Variants in FARS2 observed in about 807,000 individuals in gnomAD.
FARS2 encodes phenylalanyl-tRNA synthetase 2, mitochondrial, also known as phenylalanine--tRNA ligase, mitochondrial.
FARS2 carries 40 observed loss-of-function variants against 46.4 expected under a neutral mutation model. The ratio of observed to expected loss-of-function variants is 0.86; its 90% CI spans 0.67 to 1.12. The LOEUF is 1.12. FARS2 is among the 50% of genes most tolerant of loss of function. FARS2 has a pLI of 0.00. For synonymous variants in FARS2, 234 were observed against 214.9 expected (o/e 1.09, Z -0.78); for missense variants, 513 against 567.9 (o/e 0.90, Z 0.98).
At chr6:5,523,535 C>A (rs934072595) in intron 4 of FARS2, among the ~76,000 whole-genome samples, 3 of 151,972 alleles carry the variant, frequency 2.0e-5, no homozygotes, top group African/African-American at 7.3e-5. Flanking sequence ...TGGTTGGGTC[C>A]CCGCTCAGGG....
chr6:5,374,687 A>T (rs1373163392), intron 2 of FARS2, among the ~76,000 whole-genome samples: 1 of 152,092 alleles, frequency 6.6e-6, no homozygotes, highest in Non-Finnish European at 1.5e-5. Context: ...TTTTTAATGA[A>T]CAGATATAGA....
At chr6:5,423,558 C>T (rs981420058) in intron 3 of FARS2, among the ~76,000 whole-genome samples, 4 of 152,040 alleles carry the variant, frequency 2.6e-5, no homozygotes, top group African/African-American at 9.7e-5. Context: ...AAATCGCCTG[C>T]CTTTTATTTT....
chr6:5,371,875 T>G (rs899641674), intron 2 of FARS2, among the ~76,000 whole-genome samples: 4 of 152,190 alleles, frequency 2.6e-5, no homozygotes, highest in African/African-American at 9.6e-5. Flanking sequence ...TTAAATGGGT[T>G]AAACTTACTA....
chr6:5,363,389 G>A (rs965853653), intron 1 of FARS2, among the ~76,000 whole-genome samples: 3 of 151,816 alleles, frequency 2.0e-5, no homozygotes, highest in African/African-American at 4.8e-5. Context: ...GTTCTTTACT[G>A]CCCCTTCCAA....
chr6:5,422,584 A>C (rs920922701), intron 3 of FARS2, among the ~76,000 whole-genome samples: 1 of 152,126 alleles, frequency 6.6e-6, no homozygotes, highest in Non-Finnish European at 1.5e-5. Flanking sequence ...CTGTAAACTG[A>C]GATTAGATAC....
At chr6:5,469,905 T>TA (rs1305156323) in intron 4 of FARS2, among the ~76,000 whole-genome samples, 3 of 152,224 alleles carry the variant, frequency 2.0e-5, no homozygotes, top group Non-Finnish European at 4.4e-5. Context: ...TGTGTGCCCT[T>TA]ACACAAGATA....
intron 1 of FARS2, among the ~76,000 whole-genome samples, chr6:5,352,070 G>A (rs116412352): frequency 2.4e-4 from 36 of 151,924 alleles, no homozygotes; most frequent in African/African-American, 8.4e-4. Context: ...GGCCCAGGAT[G>A]GCTTTCAATG....
intron 6 of FARS2, among the ~76,000 whole-genome samples, chr6:5,690,731 T>C (rs1426283121): frequency 6.6e-6 from 1 of 152,186 alleles, no homozygotes; most frequent in Non-Finnish European, 1.5e-5. Context: ...TTTCCTGAAT[T>C]TGAATGTTGG....
intron 6 of FARS2, among the ~76,000 whole-genome samples, chr6:5,680,923 G>T (rs115365274): frequency 6.6e-6 from 1 of 152,136 alleles, no homozygotes. Flanking sequence ...TCAAAGAAAT[G>T]TAATTTAAAA....
intron 6 of FARS2, among the ~76,000 whole-genome samples, chr6:5,729,544 A>G (rs897654597): frequency 6.6e-6 from 1 of 152,168 alleles, no homozygotes; most frequent in African/African-American, 2.4e-5. Context: ...AGATTTTCCA[A>G]AGATGAGGTT....
At chr6:5,730,191 A>G (rs1760529087) in intron 6 of FARS2, among the ~76,000 whole-genome samples, 1 of 148,474 alleles carries the variant, frequency 6.7e-6, no homozygotes, top group Non-Finnish European at 1.5e-5. Context: ...CATGTAGCTG[A>G]GCTGCCCAAT....
intron 2 of FARS2, among the ~76,000 whole-genome samples, chr6:5,379,565 T>C (rs1015515929): frequency 6.6e-6 from 1 of 152,168 alleles, no homozygotes; most frequent in East Asian, 1.9e-4. Context: ...TGTGGTTCAC[T>C]GAGTGGCTCA....
chr6:5,677,254 T>C (rs1778812611), intron 6 of FARS2, among the ~76,000 whole-genome samples: 1 of 152,174 alleles, frequency 6.6e-6, no homozygotes, highest in African/African-American at 2.4e-5. Context: ...GCAACCATAA[T>C]TAAAAAGGCC....
intron 5 of FARS2, among the ~76,000 whole-genome samples, chr6:5,593,976 T>G (rs565974572): frequency 6.6e-6 from 1 of 152,304 alleles, no homozygotes; most frequent in East Asian, 1.9e-4. Context: ...GTGGCAGGCA[T>G]GGGGACAGGC....
intron 2 of FARS2, among the ~76,000 whole-genome samples, chr6:5,369,882 T>G (rs571218481): frequency 2.7e-4 from 17 of 63,252 alleles, no homozygotes; most frequent in South Asian, 1.1e-3. Flanking sequence ...TTTTTTGTTG[T>G]TTTTTTTTTT....
chr6:5,397,039 A>G (rs1017424006), intron 2 of FARS2, among the ~76,000 whole-genome samples: 13 of 152,230 alleles, frequency 8.5e-5, no homozygotes, highest in Non-Finnish European at 1.2e-4. Flanking sequence ...AAAGTATAAA[A>G]TAACTGTATG....
intron 4 of FARS2, among the ~76,000 whole-genome samples, chr6:5,480,212 C>T (rs951191465): frequency 2.6e-5 from 4 of 152,138 alleles, no homozygotes; most frequent in East Asian, 1.9e-4. Flanking sequence ...ATCGTCTAAA[C>T]GGATGCGCCA....
intron 5 of FARS2, among the ~76,000 whole-genome samples, chr6:5,577,348 G>A (rs1280768974): frequency 9.3e-6 from 1 of 107,050 alleles, no homozygotes; most frequent in Non-Finnish European, 2.1e-5. Flanking sequence ...TGAAAATAGA[G>A]AGAGAGTGAG....
intron 4 of FARS2, among the ~76,000 whole-genome samples, chr6:5,506,608 G>A (rs17140654): frequency 0.12 from 17,709 of 152,200 alleles, 1,116 homozygotes; most frequent in Admixed American, 0.16. Context: ...GATTCCAGAC[G>A]GGTATCACTC....
Sources: gnomAD v4.1 joint callset for allele counts (sites outside exome capture counted in the v4.1 genomes callset) on GRCh38, gnomAD v4.1.1 for gene constraint, MANE v1.5 for transcripts, NCBI Gene and HGNC (gene_info 2026-07-23, HGNC 2026-07-21) for gene names.